The following SGCD variants were observed in gnomAD, a reference collection of about 807,000 sequenced individuals.
The protein encoded by SGCD is delta-sarcoglycan.
A neutral mutation model predicts 36.6 loss-of-function variants in SGCD; 18 were observed. The observed-to-expected ratio is 0.49, with a 90% CI of 0.34 to 0.73. The LOEUF (loss-of-function observed/expected upper bound fraction) is 0.73, where lower values mean the gene tolerates loss of function less well. SGCD is among the 30% of genes least tolerant of loss of function. The probability of loss-of-function intolerance (pLI) is 0.01; values close to 1 mark genes in which losing one functional copy is unlikely to be tolerated. For missense variants in SGCD, 387 were observed against 346.7 expected (o/e 1.12, Z -0.92); for synonymous variants, 133 against 130.6 (o/e 1.02, Z -0.12).
chr5:155,996,914 C>T lies in SGCD; in HGVS notation c.-281-120964C>T, dbSNP rs62380693. Among the ~76,000 whole-genome samples, 279 of 127,038 alleles carry T rather than the reference C, an allele frequency of 2.2e-3. 1 individual carries two copies. The highest frequency in any genetic ancestry group is 0.013 in the Middle Eastern group (3 of 236). 83.3% of individuals were successfully genotyped at this position (127,038 alleles called of 152,430 possible). A position where few individuals can be genotyped will look rare whatever the true frequency, so the allele number is the denominator to read the frequency against. On this transcript the variant is annotated intron_variant, in intron 1 of 9. Transcript: ENST00000517913. The stretch of plus-strand genomic sequence containing the variant: ...ATAGATAGATAGATAGATAGACAGA[C>T]AGACAGGCAGGCAGACAGACAGACA...
At position 156,516,067 on chromosome 5, in the gene SGCD, T is replaced by C. The variant is rs1028366511; in HGVS notation, c.294+7365T>C. ...GGAGAAGCAGCTATGGTCTCCAGGC[T>C]CAGTAGTTAGTCTTTCCTGCCTGCT... On this transcript the variant is annotated intron_variant, in intron 4 of 8. Transcript: ENST00000337851. 1.5e-4 allele frequency among the ~76,000 whole-genome samples: 23 copies of C among 152,272 alleles called. 2 individuals carry two copies. The highest frequency in any genetic ancestry group is 3.4e-3 in the Middle Eastern group (1 of 294).
intron 6 of SGCD, among the ~76,000 whole-genome samples, chr5:156,615,365 C>T (rs1761981691): frequency 6.6e-6 from 1 of 152,188 alleles, no homozygotes; most frequent in African/African-American, 2.4e-5. Context: ...CTAGATGCCA[C>T]TTGATGCTAA....
chr5:156,379,107 T>C (rs1770837934), intron 3 of SGCD, among the ~76,000 whole-genome samples: 2 of 152,188 alleles, frequency 1.3e-5, no homozygotes. Flanking sequence ...TGCCAATTAT[T>C]CTAGGTTCCA....
intron 3 of SGCD, among the ~76,000 whole-genome samples, chr5:156,192,518 G>C (rs764228658): frequency 6.6e-6 from 1 of 152,022 alleles, no homozygotes; most frequent in Non-Finnish European, 1.5e-5. Flanking sequence ...GTTAATGGAT[G>C]CAAACACAGA....
intron 7 of SGCD, among the ~76,000 whole-genome samples, chr5:156,720,925 C>G (rs897426381): frequency 6.6e-6 from 1 of 152,056 alleles, no homozygotes; most frequent in Admixed American, 6.6e-5. Flanking sequence ...GTGCCTTGGA[C>G]TAGGATGGCA....
chr5:155,872,391 A>T (rs1755674071), intron 1 of SGCD, among the ~76,000 whole-genome samples: 1 of 150,536 alleles, frequency 6.6e-6, no homozygotes, highest in South Asian at 2.1e-4. Flanking sequence ...ACACACTCTC[A>T]TGGAAAACTC....
At chr5:155,728,837 C>G in the SGCD span, among the ~76,000 whole-genome samples, 1 of 152,198 alleles carries the variant, frequency 6.6e-6, no homozygotes, top group Non-Finnish European at 1.5e-5. Context: ...TGCCAACTCG[C>G]CACCCATGGG....
intron 3 of SGCD, among the ~76,000 whole-genome samples, chr5:156,433,792 C>G (rs981365206): frequency 2.6e-5 from 4 of 152,122 alleles, no homozygotes; most frequent in Admixed American, 6.5e-5. Context: ...TTGGTTTCTC[C>G]CTGTGCATGT....
rs74886512 is a variant in SGCD, at chr5:156,157,195, T to G, written c.-44+33176T>G. Among the ~76,000 whole-genome samples the G allele has an allele frequency of 9.0e-3, 1,367 of 151,816 alleles. 60 individuals are homozygous for G. The highest frequency in any genetic ancestry group is 0.032 in the African/African-American group (1,318 of 41,094). ...CTGTGGTCACCATAGTAAAAGTAAC[T>G]AAAACAGCAAATACAATTTACTAAG... On this transcript the variant is annotated intron_variant, in intron 3 of 9. Transcript: ENST00000517913.
intron 1 of SGCD, among the ~76,000 whole-genome samples, chr5:155,929,546 G>A (rs1757059860): frequency 6.6e-6 from 1 of 151,990 alleles, no homozygotes; most frequent in Non-Finnish European, 1.5e-5. Context: ...TCATAGAGTA[G>A]CCTCTCTCAC....
At chr5:155,814,807 G>GTT in the SGCD span, among the ~76,000 whole-genome samples, 1 of 151,932 alleles carries the variant, frequency 6.6e-6, no homozygotes, top group South Asian at 2.1e-4. Flanking sequence ...TTACTATGAT[G>GTT]GTAAAAGTTA....
chr5:155,890,781 A>T (rs184477027), intron 1 of SGCD, among the ~76,000 whole-genome samples: 1 of 152,224 alleles, frequency 6.6e-6, no homozygotes, highest in East Asian at 1.9e-4. Context: ...GGACTGCTTC[A>T]CTATGTTGAT....
At chr5:156,081,225 T>C (rs895752228) in intron 1 of SGCD, among the ~76,000 whole-genome samples, 4 of 152,046 alleles carry the variant, frequency 2.6e-5, no homozygotes, top group South Asian at 2.1e-4. Context: ...AACAAACTTA[T>C]CTCATGAGTA....
At chr5:156,306,196 C>T (rs991831936) in intron 3 of SGCD, among the ~76,000 whole-genome samples, 2 of 152,156 alleles carry the variant, frequency 1.3e-5, no homozygotes, top group Non-Finnish European at 2.9e-5. Flanking sequence ...TGTCACCACC[C>T]GTATCTCATC....
At chr5:156,380,976 A>G (rs552026969) in intron 3 of SGCD, among the ~76,000 whole-genome samples, 1 of 152,332 alleles carries the variant, frequency 6.6e-6, no homozygotes, top group Admixed American at 6.5e-5. Flanking sequence ...TAACTTAGGA[A>G]ACAGAATAAA....
chr5:155,811,726 C>CG, the SGCD span, among the ~76,000 whole-genome samples: 1 of 152,082 alleles, frequency 6.6e-6, no homozygotes, highest in African/African-American at 2.4e-5. Context: ...AAGCTGGGTC[C>CG]GGGGGGTCAC....
intron 3 of SGCD, among the ~76,000 whole-genome samples, chr5:156,161,359 G>T (rs1450476169): frequency 1.3e-5 from 2 of 151,724 alleles, no homozygotes; most frequent in African/African-American, 4.9e-5. Flanking sequence ...TGACAGGTTA[G>T]TTCCTCAAAT....
intron 4 of SGCD, among the ~76,000 whole-genome samples, chr5:156,588,626 C>T (rs554478733): frequency 2.6e-5 from 4 of 152,164 alleles, no homozygotes; most frequent in East Asian, 3.9e-4. Context: ...CAGGCACAGA[C>T]GGCCTAGAGG....
chr5:156,263,425 T>C (rs1389728792), intron 3 of SGCD, among the ~76,000 whole-genome samples: 1 of 152,084 alleles, frequency 6.6e-6, no homozygotes, highest in East Asian at 1.9e-4. Context: ...TTCATGTCCT[T>C]AGCCCATTTT....
Sources: allele counts gnomAD v4.1 joint callset (sites outside exome capture counted in the v4.1 genomes callset), GRCh38; gene constraint gnomAD v4.1.1; transcripts MANE v1.5; gene names NCBI Gene and HGNC (gene_info 2026-07-23, HGNC 2026-07-21).